The following KLF12 variants were observed in gnomAD, a reference collection of about 807,000 sequenced individuals.
KLF12 encodes Krueppel-like factor 12.
A neutral mutation model predicts 37.8 loss-of-function variants in KLF12; 9 were observed. That is an observed-to-expected ratio of 0.24 (90% CI 0.14 to 0.42). The LOEUF is 0.42. KLF12 is among the 10% of genes least tolerant of loss of function. KLF12 has a pLI of 1.00. For missense variants in KLF12, 411 were observed against 516.0 expected, an observed-to-expected ratio of 0.80 and a Z score of 1.97; for synonymous variants, 208 against 202.1, an observed-to-expected ratio of 1.03 and a Z score of -0.25.
chr13:73,973,695 A>T (rs546561093), intron 2 of KLF12, among the ~76,000 whole-genome samples: 99 of 152,312 alleles, frequency 6.5e-4, no homozygotes, highest in Non-Finnish European at 1.2e-3. Flanking sequence ...TAGGGAAAAC[A>T]GGTAAACATA....
At chr13:74,115,226 C>A (rs1361134695) in intron 1 of KLF12, among the ~76,000 whole-genome samples, 1 of 152,086 alleles carries the variant, frequency 6.6e-6, no homozygotes, top group African/African-American at 2.4e-5. Context: ...TTTTTGAATT[C>A]CTGGTAGCAA....
intron 1 of KLF12, among the ~76,000 whole-genome samples, chr13:74,092,402 T>A (rs952178164): frequency 2.7e-5 from 4 of 149,004 alleles, no homozygotes; most frequent in Admixed American, 1.3e-4. Flanking sequence ...GGCGGGCAGA[T>A]CACTTGGGGT....
intron 3 of KLF12, among the ~76,000 whole-genome samples, chr13:73,877,653 G>T (rs1322832217): frequency 2.6e-5 from 4 of 152,130 alleles, no homozygotes; most frequent in Non-Finnish European, 4.4e-5. Context: ...TCACCTTCTT[G>T]CTAGTACCTA....
intron 1 of KLF12, among the ~76,000 whole-genome samples, chr13:74,086,148 T>C (rs958169912): frequency 6.6e-6 from 1 of 151,906 alleles, no homozygotes; most frequent in African/African-American, 2.4e-5. Flanking sequence ...CTTTAAGTTT[T>C]AGGGTACACG....
chr13:73,837,589 TCTCA>T (rs1166716456), intron 4 of KLF12, among the ~76,000 whole-genome samples: 4 of 152,300 alleles, frequency 2.6e-5, no homozygotes, highest in Admixed American at 6.5e-5. Flanking sequence ...CCTGCCTTTC[TCTCA>T]CTATTTAACA....
intron 6 of KLF12, among the ~76,000 whole-genome samples, chr13:73,725,769 C>T (rs1049747984): frequency 6.6e-6 from 1 of 151,860 alleles, no homozygotes; most frequent in Admixed American, 6.6e-5. Flanking sequence ...GCTATTATAA[C>T]TTGTTAGCTA....
chr13:73,997,311 T>C (rs1002448210), intron 1 of KLF12, among the ~76,000 whole-genome samples: 3 of 151,810 alleles, frequency 2.0e-5, no homozygotes, highest in Non-Finnish European at 1.5e-5. Flanking sequence ...CCAGTTTTCT[T>C]CTCCAAGAAG....
intron 1 of KLF12, among the ~76,000 whole-genome samples, chr13:74,076,233 C>T (rs928355258): frequency 2.0e-5 from 3 of 152,018 alleles, no homozygotes; most frequent in South Asian, 4.1e-4. Flanking sequence ...ATTTAAAATA[C>T]GACTGTTTTC....
At chr13:73,823,978 G>A (rs1200120148) in intron 4 of KLF12, among the ~76,000 whole-genome samples, 1 of 152,032 alleles carries the variant, frequency 6.6e-6, no homozygotes, top group African/African-American at 2.4e-5. Context: ...CCAAAGTGCT[G>A]GGGTTACAGG....
the KLF12 span, among the ~76,000 whole-genome samples, chr13:74,205,552 G>A: frequency 6.6e-6 from 1 of 152,142 alleles, no homozygotes; most frequent in African/African-American, 2.4e-5. Flanking sequence ...CTCTGACTTA[G>A]CAAACACAAT....
At chr13:73,720,667 T>C (rs1297189659) in intron 6 of KLF12, among the ~76,000 whole-genome samples, 2 of 152,162 alleles carry the variant, frequency 1.3e-5, no homozygotes, top group Non-Finnish European at 2.9e-5. Context: ...GGTTGCACAA[T>C]AGTCCCACTT....
chr13:73,963,092 T>C (rs1383708870), intron 2 of KLF12, among the ~76,000 whole-genome samples: 1 of 152,184 alleles, frequency 6.6e-6, no homozygotes, highest in East Asian at 1.9e-4. Context: ...TCATTCTGCA[T>C]TTAATCATTT....
At chr13:73,860,756 C>T (rs2138800243) in intron 3 of KLF12, among the ~76,000 whole-genome samples, 1 of 152,016 alleles carries the variant, frequency 6.6e-6, no homozygotes, top group South Asian at 2.1e-4. Context: ...AATTAATTAC[C>T]CCGTGACTAA....
chr13:73,811,967 A>C (rs903684422), intron 5 of KLF12, among the ~76,000 whole-genome samples: 1 of 152,190 alleles, frequency 6.6e-6, no homozygotes, highest in African/African-American at 2.4e-5. Context: ...GAATAAAACA[A>C]AGTAGGTATT....
chr13:73,846,638 C>G (rs1885040284), intron 3 of KLF12, among the ~76,000 whole-genome samples: 1 of 152,118 alleles, frequency 6.6e-6, no homozygotes, highest in Non-Finnish European at 1.5e-5. Flanking sequence ...ACTATGAAAT[C>G]AGTGCTCTAT....
chr13:74,176,943 C>T, the KLF12 span, among the ~76,000 whole-genome samples: 4 of 151,986 alleles, frequency 2.6e-5, no homozygotes, highest in African/African-American at 9.7e-5. Context: ...TGGATATTAC[C>T]CTTGCCTCTC....
the KLF12 span, among the ~76,000 whole-genome samples, chr13:74,263,789 T>C: frequency 1.3e-5 from 2 of 152,178 alleles, no homozygotes; most frequent in Non-Finnish European, 2.9e-5. Context: ...TCAGGTCTGG[T>C]CATATGACCC....
chr13:73,780,808 T>C (rs568592082), intron 5 of KLF12, among the ~76,000 whole-genome samples: 126 of 152,336 alleles, frequency 8.3e-4, no homozygotes, highest in Non-Finnish European at 1.6e-3. Context: ...TGAGATGGAA[T>C]GTACTCCTGG....
At chr13:73,765,513 C>A (rs1879852167) in intron 5 of KLF12, among the ~76,000 whole-genome samples, 1 of 152,072 alleles carries the variant, frequency 6.6e-6, no homozygotes, top group Non-Finnish European at 1.5e-5. Context: ...GAAGGGTGAA[C>A]AGGTACTCCT....
Sources: allele counts gnomAD v4.1 joint callset (sites outside exome capture counted in the v4.1 genomes callset), GRCh38; gene constraint gnomAD v4.1.1; transcripts MANE v1.5; gene names NCBI Gene and HGNC (gene_info 2026-07-23, HGNC 2026-07-21).